The following KANSL1 variants were observed in gnomAD, a reference collection of about 807,000 sequenced individuals.
The protein encoded by KANSL1 is KAT8 regulatory NSL complex subunit 1.
KANSL1 carries 22 observed loss-of-function variants against 103.6 expected under a neutral mutation model. The ratio of observed to expected loss-of-function variants is 0.21; its 90% CI spans 0.15 to 0.30. The LOEUF (loss-of-function observed/expected upper bound fraction) is 0.30. Among genes scored for constraint, KANSL1 ranks in the 10% least tolerant of loss-of-function variants. KANSL1 has a pLI of 1.00. For synonymous variants in KANSL1, 600 were observed against 527.6 expected (o/e 1.14, Z -1.88); for missense variants, 1,337 against 1,399.8 (o/e 0.96, Z 0.72).
At chr17:46,130,556 G>C (rs554273521) in intron 2 of KANSL1, among the ~76,000 whole-genome samples, 1 of 152,320 alleles carries the variant, frequency 6.6e-6, no homozygotes, top group East Asian at 1.9e-4. Context: ...GGAAAGGATA[G>C]AACGAAAACA....
intron 1 of KANSL1, among the ~76,000 whole-genome samples, chr17:46,202,724 T>C (rs1341479293): frequency 6.6e-6 from 1 of 152,224 alleles, no homozygotes; most frequent in African/African-American, 2.4e-5. Context: ...AAATCATGTA[T>C]GATTTTCTCA....
chr17:46,057,436 T>C (rs538389946), intron 6 of KANSL1, among the ~76,000 whole-genome samples: 2 of 152,290 alleles, frequency 1.3e-5, no homozygotes, highest in East Asian at 3.9e-4. Context: ...TTTCCCTTTA[T>C]AAACATATTC....
chr17:46,079,985 G>A (rs980398078), intron 4 of KANSL1, among the ~76,000 whole-genome samples: 1 of 150,774 alleles, frequency 6.6e-6, no homozygotes. Context: ...TAAAAAGATG[G>A]AAAGAAAGAG....
At chr17:46,213,572 T>G (rs1388092926) in intron 1 of KANSL1, among the ~76,000 whole-genome samples, 1 of 147,914 alleles carries the variant, frequency 6.8e-6, no homozygotes, top group African/African-American at 2.5e-5. Context: ...CCTCCCAAAG[T>G]GCTGGGATTA....
intron 2 of KANSL1, among the ~76,000 whole-genome samples, chr17:46,136,373 G>A (rs1203051301): frequency 6.6e-6 from 1 of 152,176 alleles, no homozygotes; most frequent in Non-Finnish European, 1.5e-5. Context: ...ACATATGCAT[G>A]CACATGTTCA....
At chr17:46,078,541 C>T (rs1386299495) in intron 4 of KANSL1, among the ~76,000 whole-genome samples, 1 of 150,570 alleles carries the variant, frequency 6.6e-6, no homozygotes, top group Non-Finnish European at 1.5e-5. Context: ...CAGCCCTGAA[C>T]TCCATCCTCT....
At chr17:46,109,058 T>A (rs1478600635) in intron 2 of KANSL1, among the ~76,000 whole-genome samples, 9 of 152,082 alleles carry the variant, frequency 5.9e-5, no homozygotes, top group African/African-American at 2.2e-4. Flanking sequence ...AAGCAACCAC[T>A]CTCACCTCAG....
At chr17:46,209,284 G>A (rs1461162199) in intron 1 of KANSL1, among the ~76,000 whole-genome samples, 2 of 152,136 alleles carry the variant, frequency 1.3e-5, no homozygotes, top group Non-Finnish European at 2.9e-5. Context: ...AAGTGGGATT[G>A]ATAAAAAGCA....
rs760727599 is a variant in KANSL1, at chr17:46,094,648, C to T, written c.1343G>A (p.Arg448His). The T allele has an allele frequency of 3.3e-5, 54 of 1,613,986 alleles. No homozygotes were observed. The highest frequency in any genetic ancestry group is 2.7e-4 in the South Asian group (25 of 91,080). ...AACATGAGCCTGAAGCCAGTTCCAG[C>T]GGCTGACAATAGCTGCCCGGTCTGC... is the stretch of plus-strand genomic sequence containing the variant. Reference protein sequence around the residue: ...WAADRAAIVSRWNWLQAHVSD... With the variant: ...WAADRAAIVSHWNWLQAHVSD... Residue 448 changes from arginine to histidine, a missense_variant, in exon 3 of 15, where the codon CGC becomes CAC. This residue lies in a region of KANSL1 where 780 missense variants were observed against 923.4 expected (regional missense o/e 0.84). Transcript: ENST00000432791.
At chr17:46,170,024 C>A (rs892503671) in intron 2 of KANSL1, among the ~76,000 whole-genome samples, 1 of 152,098 alleles carries the variant, frequency 6.6e-6, no homozygotes, top group African/African-American at 2.4e-5. Context: ...ACCTGTAATC[C>A]CAGCTACTTA....
intron 4 of KANSL1, among the ~76,000 whole-genome samples, chr17:46,079,712 C>G (rs562052372): frequency 8.5e-5 from 13 of 152,320 alleles, no homozygotes; most frequent in African/African-American, 3.1e-4. Flanking sequence ...TGCAGTGGTT[C>G]ACACCTGTAA....
chr17:46,032,647 G>A (rs1598442411), intron 13 of KANSL1: 1 of 337,254 alleles, frequency 3.0e-6, no homozygotes. Flanking sequence ...GAATCCCGAG[G>A]GTTTCTGCCA....
At chr17:46,091,087 T>C (rs892142462) in intron 3 of KANSL1, among the ~76,000 whole-genome samples, 25 of 152,266 alleles carry the variant, frequency 1.6e-4, no homozygotes, top group African/African-American at 4.3e-4. Context: ...GTGTGTGTTG[T>C]TGGCCCTGAA....
intron 3 of KANSL1, among the ~76,000 whole-genome samples, chr17:46,085,882 C>T (rs1309299162): frequency 1.3e-5 from 2 of 152,144 alleles, no homozygotes; most frequent in Admixed American, 1.3e-4. Flanking sequence ...CCTGCCTCGG[C>T]CTCTCAAAGT....
chr17:46,114,231 C>T (rs968992709), intron 2 of KANSL1, among the ~76,000 whole-genome samples: 3 of 152,096 alleles, frequency 2.0e-5, no homozygotes, highest in Non-Finnish European at 4.4e-5. Flanking sequence ...TGGTGGCAGG[C>T]GCCTGTTGTC....
At chr17:46,213,177 CTACAAA>C (rs1483807576) in intron 1 of KANSL1, among the ~76,000 whole-genome samples, 7 of 152,214 alleles carry the variant, frequency 4.6e-5, no homozygotes, top group Admixed American at 3.3e-4. Context: ...TGGGCTGCTG[CTACAAA>C]TACAAATTAT....
At chr17:46,201,529 T>A (rs1305198777) in intron 1 of KANSL1, among the ~76,000 whole-genome samples, 1 of 152,210 alleles carries the variant, frequency 6.6e-6, no homozygotes, top group Non-Finnish European at 1.5e-5. Flanking sequence ...GATGGTTCTC[T>A]GAACCATCAG....
chr17:46,084,845 C>T (rs190519874), intron 3 of KANSL1, among the ~76,000 whole-genome samples: 1 of 152,074 alleles, frequency 6.6e-6, no homozygotes, highest in East Asian at 1.9e-4. Context: ...ATATTTTCTT[C>T]CCTAAATCAA....
intron 2 of KANSL1, among the ~76,000 whole-genome samples, chr17:46,158,604 A>C (rs915915402): frequency 6.6e-6 from 1 of 152,196 alleles, no homozygotes; most frequent in Non-Finnish European, 1.5e-5. Context: ...GCAGTGGAGC[A>C]ATCTCAGCTC....
Sources: allele counts gnomAD v4.1 joint callset (sites outside exome capture counted in the v4.1 genomes callset), GRCh38; gene constraint gnomAD v4.1.1; regional missense constraint gnomAD v4.1.1; transcripts MANE v1.5; gene names NCBI Gene and HGNC (gene_info 2026-07-23, HGNC 2026-07-21).